The following DNAH14 variants were observed in gnomAD, a reference collection of about 807,000 sequenced individuals.
DNAH14 encodes dynein axonemal heavy chain 14.
DNAH14 carries 478 observed loss-of-function variants against 520.9 expected under a neutral mutation model. The observed-to-expected ratio is 0.92, with a 90% confidence interval of 0.85 to 0.99. The LOEUF (loss-of-function observed/expected upper bound fraction) is 0.99, where lower values mean the gene tolerates loss of function less well. DNAH14 is among the 50% of genes least tolerant of loss of function. The pLI is 0.00. For synonymous variants in DNAH14, 1,581 were observed against 1,757.2 expected (o/e 0.90, Z 2.51); for missense variants, 4,831 against 5,234.5 (o/e 0.92, Z 2.38).
rs1487889602 is a variant in DNAH14 at position 225,337,234 on chromosome 1, A to C, written c.10081-32A>C. The C allele has an allele frequency of 5.3e-6, 8 of 1,517,324 alleles. No homozygotes were observed. In the South Asian group the frequency reaches 9.6e-5, roughly 18 times the overall value. 94.0% of individuals were successfully genotyped at this position (1,517,324 alleles called of 1,614,324 possible). ...TACTAAAGATGTGAAGACATTTACAAAATAGTGAAAGTACTAATAATTTCA... is the reference window on the plus strand; with the variant it reads ...TACTAAAGATGTGAAGACATTTACACAATAGTGAAAGTACTAATAATTTCA... On this transcript the variant is annotated intron_variant, in intron 66 of 85. Coordinates refer to ENST00000682510, the MANE Select transcript of DNAH14 (RefSeq NM_001367479.1).
At chr1:225,362,971 G>T (rs2095509737) in intron 75 of DNAH14, among the ~76,000 whole-genome samples, 1 of 152,094 alleles carries the variant, frequency 6.6e-6, no homozygotes, top group African/African-American at 2.4e-5. Context: ...CTCATTTAGT[G>T]GGATTACAGG....
At chr1:225,190,160 A>C (rs1354203873) in intron 37 of DNAH14, among the ~76,000 whole-genome samples, 3 of 152,042 alleles carry the variant, frequency 2.0e-5, no homozygotes, top group Non-Finnish European at 2.9e-5. Context: ...TCCCATACAT[A>C]CATATCTATG....
rs981687493 is a variant in DNAH14 at position 225,227,633 on chromosome 1, C to T, written c.6440-3440C>T. Reference sequence around the variant, plus strand: ...ATACTGATGTCCACATCCATTGTGGCATCAATCAGTTTCATAGTCACATCC... The same window carrying T: ...ATACTGATGTCCACATCCATTGTGGTATCAATCAGTTTCATAGTCACATCC... On this transcript the variant is annotated intron_variant, in intron 41 of 85. Transcript: ENST00000682510. 3.3e-5 allele frequency among the ~76,000 whole-genome samples: 5 copies of T among 152,096 alleles called. 1 individual carries two copies. The highest frequency in any genetic ancestry group is 3.3e-4 in the Admixed American group (5 of 15,256).
intron 1 of DNAH14, among the ~76,000 whole-genome samples, chr1:224,939,801 T>C (rs371761326): frequency 6.6e-5 from 10 of 152,318 alleles, no homozygotes; most frequent in African/African-American, 2.2e-4. Context: ...CTCTTTGATA[T>C]GGTTTGGCTC....
chr1:225,298,554 G>A (rs1348556575), intron 55 of DNAH14, among the ~76,000 whole-genome samples: 3 of 152,188 alleles, frequency 2.0e-5, no homozygotes, highest in Admixed American at 6.5e-5. Flanking sequence ...AGCTGGGGTT[G>A]TGGCATATAG....
chr1:225,031,946 T>A (rs1423418737), intron 11 of DNAH14, among the ~76,000 whole-genome samples: 2 of 152,102 alleles, frequency 1.3e-5, no homozygotes, highest in Non-Finnish European at 2.9e-5. Flanking sequence ...GCAGTAATGC[T>A]GGGAAAGAGT....
intron 2 of DNAH14, among the ~76,000 whole-genome samples, chr1:224,954,199 C>G (rs114638878): frequency 6.6e-6 from 1 of 151,856 alleles, no homozygotes; most frequent in Non-Finnish European, 1.5e-5. Flanking sequence ...GAACTTAAAG[C>G]GCTCAAAGGA....
chr1:225,398,304 T>G (rs1229159615), intron 84 of DNAH14, among the ~76,000 whole-genome samples: 1 of 152,222 alleles, frequency 6.6e-6, no homozygotes, highest in African/African-American at 2.4e-5. Context: ...AATACATATA[T>G]TTCAGTTCAG....
At chr1:225,021,912 T>G (rs904226004) in intron 10 of DNAH14, among the ~76,000 whole-genome samples, 2 of 152,090 alleles carry the variant, frequency 1.3e-5, no homozygotes, top group Non-Finnish European at 2.9e-5. Flanking sequence ...AACAGCATGG[T>G]AAGGGTACAA....
intron 50 of DNAH14, 53 bp downstream of exon 50, chr1:225,270,919 G>GA: frequency 1.3e-6 from 2 of 1,482,820 alleles, no homozygotes; most frequent in Non-Finnish European, 1.8e-6. Context: ...CTAGAATAAG[G>GA]AAAAATACGA....
chr1:225,038,174 G>A (rs1384527294), intron 11 of DNAH14, among the ~76,000 whole-genome samples: 1 of 152,034 alleles, frequency 6.6e-6, no homozygotes, highest in Non-Finnish European at 1.5e-5. Flanking sequence ...TGTCTGGGAA[G>A]GTTTTTATTT....
At chr1:225,039,414 CT>C (rs35534306) in intron 12 of DNAH14, among the ~76,000 whole-genome samples, 50,683 of 151,730 alleles carry the variant, frequency 0.33, 10,075 homozygotes, top group East Asian at 0.54. Flanking sequence ...AGAATTGCCC[CT>C]AATATCTTCT....
chr1:225,328,582 G>A (rs1054002201), intron 64 of DNAH14, among the ~76,000 whole-genome samples: 4 of 151,848 alleles, frequency 2.6e-5, no homozygotes, highest in Non-Finnish European at 4.4e-5. Context: ...TTAAAAATAG[G>A]TCTTTTATTT....
At chr1:225,364,667 A>G in intron 75 of DNAH14, 125 bp from the exon 76 acceptor site, 1 of 606,630 alleles carries the variant, frequency 1.6e-6, no homozygotes, top group Non-Finnish European at 2.7e-6. Context: ...TTCTGATAAT[A>G]CAGTAAGATC....
intron 8 of DNAH14, among the ~76,000 whole-genome samples, chr1:224,991,527 G>A (rs1236162230): frequency 2.0e-5 from 3 of 151,618 alleles, no homozygotes; most frequent in Admixed American, 6.6e-5. Context: ...CCAGGCTGGA[G>A]TGCAGTGGTG....
chr1:225,374,004 A>G (rs1435792239), intron 77 of DNAH14, among the ~76,000 whole-genome samples: 1 of 147,560 alleles, frequency 6.8e-6, no homozygotes, highest in East Asian at 2.0e-4. Context: ...GCTGAGGAAA[A>G]AAGCTGAGGT....
At chr1:225,325,833 C>G (rs2094651478) in intron 64 of DNAH14, among the ~76,000 whole-genome samples, 1 of 151,470 alleles carries the variant, frequency 6.6e-6, no homozygotes, top group African/African-American at 2.4e-5. Context: ...TTCCTGAAAA[C>G]TCAGATAGCT....
At chr1:224,942,167 A>C (rs542403246) in intron 1 of DNAH14, among the ~76,000 whole-genome samples, 1 of 152,006 alleles carries the variant, frequency 6.6e-6, no homozygotes, top group African/African-American at 2.4e-5. Context: ...ATTTGTTTGT[A>C]TCCTCTTTTA....
intron 17 of DNAH14, among the ~76,000 whole-genome samples, chr1:225,074,429 T>G (rs1012626507): frequency 6.6e-6 from 1 of 152,212 alleles, no homozygotes; most frequent in African/African-American, 2.4e-5. Context: ...AGTCTGGTCA[T>G]GCTTTTGTAG....
Sources: allele counts gnomAD v4.1 joint callset (sites outside exome capture counted in the v4.1 genomes callset), GRCh38; gene constraint gnomAD v4.1.1; transcripts MANE v1.5; gene names NCBI Gene and HGNC (gene_info 2026-07-23, HGNC 2026-07-21).